The following ARHGEF1 variants were observed in gnomAD, a reference collection of about 807,000 sequenced individuals.
ARHGEF1 encodes the protein 115 kDa guanine nucleotide exchange factor.
ARHGEF1 carries 40 observed loss-of-function variants against 119.7 expected under a neutral mutation model. That is an observed-to-expected ratio of 0.33 (90% CI 0.26 to 0.44). ARHGEF1 has a LOEUF of 0.44. Ranked by LOEUF, ARHGEF1 falls within the 20% of genes least tolerant of loss-of-function variation. The pLI is 1.00. For missense variants in ARHGEF1, 976 were observed against 1,268.3 expected, an observed-to-expected ratio of 0.77 and a Z score of 3.50; for synonymous variants, 494 against 521.0, an observed-to-expected ratio of 0.95 and a Z score of 0.71.
Position 41,898,538 on chromosome 19 carries a change from C to T in ARHGEF1, c.1218C>T (p.Thr406=), listed in dbSNP as rs782278134. Residue 406 remains threonine (T), a synonymous_variant, in exon 14 of 29, where the codon ACC becomes ACT. Transcript: ENST00000354532. ...GGCGGGAACTCGTCCCCCCAGACAC[C>T]CTGCACAGCCTGCCCAAGAGCCAGG... ...PGWRELVPPD[T]LHSLPKSQVK... is the part of the protein sequence containing the mutation. 5.1e-6 allele frequency: 8 copies of T among 1,571,468 alleles called. No individual in the cohort carries two copies. In the South Asian group the frequency reaches 9.4e-5, roughly 18 times the overall value.
intron 14 of ARHGEF1, 143 bp downstream of exon 14, chr19:41,898,730 C>T: frequency 1.8e-6 from 2 of 1,133,014 alleles, no homozygotes; most frequent in Non-Finnish European, 2.4e-6. Context: ...CCCTCTTGTT[C>T]CAAGTTCAGA....
intron 1 of ARHGEF1, chr19:41,928,757 C>CG: frequency 4.4e-6 from 1 of 226,128 alleles, no homozygotes; most frequent in Non-Finnish European, 8.4e-6. Flanking sequence ...GGGGGTGGGG[C>CG]GGGGGTGGGT....
chr19:41,892,402 G>T lies in ARHGEF1; in HGVS notation c.367+29G>T, dbSNP rs1555846388. The T allele has an allele frequency of 6.2e-7, 1 of 1,613,870 alleles. No individual in the cohort carries two copies. On this transcript the variant is annotated intron_variant, in intron 6 of 28. Transcript: ENST00000354532. The surrounding 1 kb of genome is among the most constrained non-coding windows in gnomAD (Gnocchi z 6.3). ...AGGAGAAGGATGGGATGAGGGAGAG[G>T]TGTCTAGCGGGGACCACACCTCCCA...
chr19:41,895,489 G>A lies in ARHGEF1; in HGVS notation c.1015+3G>A. ...GGACAGCCCAGACCGGGAACCAGGT[G>A]AGAGTTTCCTGGGCCAGGGCTCCAT... On this transcript the variant is annotated splice_donor_region_variant and intron_variant, in intron 12 of 28. Coordinates refer to ENST00000354532, the MANE Select transcript of ARHGEF1 (RefSeq NM_004706.4). The A allele has an allele frequency of 1.3e-6, 2 of 1,590,978 alleles. No individual in the cohort carries two copies. Among genetic ancestry groups the A allele is most frequent in the Non-Finnish European group, 1.7e-6 (2 of 1,165,460 alleles).
chr19:41,888,678 C>A lies in ARHGEF1; in HGVS notation c.112-74C>A. The A allele has an allele frequency of 7.0e-7, 1 of 1,424,298 alleles. No individual in the cohort carries two copies. The highest frequency in any genetic ancestry group is 9.8e-7 in the Non-Finnish European group (1 of 1,016,530). The allele number at this position is 1,424,298 out of a possible 1,614,324, so 88.2% of individuals were successfully genotyped here. On this transcript the variant is annotated intron_variant, in intron 3 of 28. Coordinates refer to ENST00000354532, the MANE Select transcript of ARHGEF1 (RefSeq NM_004706.4). This position sits in a 1 kb window ranked among gnomAD's most constrained non-coding sequence, Gnocchi z 5.1. The stretch of plus-strand genomic sequence containing the variant: ...CCTGGCTTGGATCCCTTGTGAAGTG[C>A]CAGGAATGGGTAGGGTCAACCCTAA...
At chr19:41,887,622 A>G (rs1206414428) in intron 1 of ARHGEF1, among the ~76,000 whole-genome samples, 3 of 152,014 alleles carry the variant, frequency 2.0e-5, no homozygotes, top group African/African-American at 7.3e-5. Context: ...CAGGCCTGTC[A>G]CAGACCAGAG....
At chr19:41,918,333 G>A (rs370958731), upstream of ARHGEF1, among the ~76,000 whole-genome samples, 1 of 140,600 alleles carries the variant, frequency 7.1e-6, no homozygotes, top group Non-Finnish European at 1.6e-5. Flanking sequence ...ACACACACAC[G>A]GTACACACCA....
At chr19:41,887,637 C>A (rs2074313302) in intron 1 of ARHGEF1, among the ~76,000 whole-genome samples, 1 of 152,090 alleles carries the variant, frequency 6.6e-6, no homozygotes, top group African/African-American at 2.4e-5. Context: ...CCAGAGGAGA[C>A]CCCTGCACCC....
At chr19:41,908,700 G>C, downstream of ARHGEF1, 1 of 1,210,824 alleles carries the variant, frequency 8.3e-7, no homozygotes, top group Non-Finnish European at 1.0e-6. This position sits in a 1 kb window ranked among gnomAD's most constrained non-coding sequence, Gnocchi z 6.7. Context: ...GGGTAGGTCA[G>C]GCTGGGGCAC....
intron 18 of ARHGEF1, among the ~76,000 whole-genome samples, chr19:41,914,135 G>C (rs1339260124): frequency 8.8e-6 from 1 of 113,036 alleles, no homozygotes; most frequent in African/African-American, 3.5e-5. Flanking sequence ...AGACTCGCCC[G>C]GTCTCCCCAC....
chr19:41,896,857 T>C, intron 13 of ARHGEF1: 1 of 273,982 alleles, frequency 3.6e-6, no homozygotes. Flanking sequence ...CCCTCCTCTC[T>C]CACCTACCCC....
At position 41,888,135 on chromosome 19, in the gene ARHGEF1, A is replaced by G; in HGVS notation, c.24+29A>G. 1.2e-6 allele frequency: 2 copies of G among 1,613,652 alleles called. No individual in the cohort carries two copies. Among genetic ancestry groups the G allele is most frequent in the Non-Finnish European group, 1.7e-6 (2 of 1,179,854 alleles). On this transcript the variant is annotated intron_variant, in intron 2 of 28. Transcript: ENST00000354532. The surrounding 1 kb of genome is among the most constrained non-coding windows in gnomAD (Gnocchi z 5.1). ...AGTGGACAGAGCAAGGGGTGAGGCG[A>G]CTCTGGGGCTGTGGGTGGAGAGTCC...
chr19:41,920,423 ACT>A (rs2074835112), upstream of ARHGEF1, among the ~76,000 whole-genome samples: 2 of 133,466 alleles, frequency 1.5e-5, no homozygotes, highest in South Asian at 5.6e-4. Context: ...GACATGACAC[ACT>A]CACAGACATG....
At chr19:41,918,482 G>A (rs552712863), upstream of ARHGEF1, among the ~76,000 whole-genome samples, 20 of 101,500 alleles carry the variant, frequency 2.0e-4, no homozygotes, top group East Asian at 4.6e-3. Flanking sequence ...CACGCACCAC[G>A]CACACCACAC....
Position 41,917,710 on chromosome 19 carries a change from G to A in ARHGEF1, c.1866-5382G>A, listed in dbSNP as rs78551510. Among the ~76,000 whole-genome samples, 4,070 of 151,526 alleles carry A rather than the reference G, an allele frequency of 0.027. 184 individuals carry two copies. Among genetic ancestry groups the A allele is most frequent in the African/African-American group, 0.093 (3,832 of 41,170 alleles). ...ATGGCCACACGTTCAGGCACAATCTGGGGACATATCTCTCCTTACGCCACA... is the reference window on the plus strand; with the variant it reads ...ATGGCCACACGTTCAGGCACAATCTAGGGACATATCTCTCCTTACGCCACA... On this transcript the variant is annotated intron_variant, in intron 18 of 20. Transcript: ENST00000599589. The surrounding 1 kb of genome is among the most constrained non-coding windows in gnomAD (Gnocchi z 4.8).
Position 41,892,650 on chromosome 19 carries a change from G to A in ARHGEF1, c.415G>A (p.Val139Met), listed in dbSNP as rs368913647. ...LISEDVQRRF[V>M]QEVVQSQQVA... ...CTCCGAGGATGTCCAGCGGCGGTTC[G>A]TGCAGGAGGTGGTGCAAAGCCAGCA... The change falls in exon 7 of 29, where the codon GTG becomes ATG. Residue 139 changes from valine to methionine, a missense_variant. By Grantham distance (21) the Val-to-Met change is conservative (BLOSUM62 1). Around this residue, in one of 3 missense-constraint regions of ARHGEF1, gnomAD observed 519 missense variants for 580.9 expected, o/e 0.89. Transcript: ENST00000354532. The surrounding 1 kb of genome is among the most constrained non-coding windows in gnomAD (Gnocchi z 6.3). The A allele has an allele frequency of 1.7e-5, 27 of 1,613,040 alleles. No individual in the cohort carries two copies. Among genetic ancestry groups the A allele is most frequent in the African/African-American group, 2.7e-5 (2 of 74,948 alleles).
Position 41,888,312 on chromosome 19 carries a change from C to G in ARHGEF1, c.111+34C>G. On this transcript the variant is annotated intron_variant, in intron 3 of 28. Coordinates refer to ENST00000354532, the MANE Select transcript of ARHGEF1 (RefSeq NM_004706.4). The surrounding 1 kb of genome is among the most constrained non-coding windows in gnomAD (Gnocchi z 5.1). ...GAGATAGGGTGGAAAAGCTCTGTCC[C>G]AGGCTCAGTGTCCCGCCCCAGGTCC... 6.2e-7 allele frequency: 1 copy of G among 1,605,912 alleles called. No individual in the cohort carries two copies. The highest frequency in any genetic ancestry group is 8.5e-7 in the Non-Finnish European group (1 of 1,175,080).
rs1599666119 is a variant in ARHGEF1, at chr19:41,906,034, G to C, written c.2491+9G>C. 1.7e-5 allele frequency: 27 copies of C among 1,613,194 alleles called. No individual in the cohort carries two copies. The highest frequency in any genetic ancestry group is 2.3e-5 in the Non-Finnish European group (27 of 1,179,676). ...CACGGCCCTTCGGAAAGGTAGCCCA[G>C]CTCTGCCCCTCCAGGGTGGCCACCA... On this transcript the variant is annotated intron_variant, in intron 26 of 28. Transcript: ENST00000354532. This position sits in a 1 kb window ranked among gnomAD's most constrained non-coding sequence, Gnocchi z 4.5.
upstream of ARHGEF1, among the ~76,000 whole-genome samples, chr19:41,920,010 C>T (rs1429584478): frequency 7.2e-6 from 1 of 138,936 alleles, no homozygotes; most frequent in Non-Finnish European, 1.5e-5. Flanking sequence ...ATGACGAACT[C>T]ACAGACATGA....
Sources: allele counts gnomAD v4.1 joint callset (sites outside exome capture counted in the v4.1 genomes callset), GRCh38; gene constraint gnomAD v4.1.1; regional missense constraint gnomAD v4.1.1; non-coding constraint Gnocchi (gnomAD v3.1); transcripts MANE v1.5; gene names NCBI Gene and HGNC (gene_info 2026-07-23, HGNC 2026-07-21).